Variants in TRIOBP observed in about 807,000 individuals in gnomAD.
TRIOBP encodes the protein TRIO and F-actin-binding protein.
Under a neutral mutation model 238.8 loss-of-function variants are expected in TRIOBP, and 169 were observed. The ratio of observed to expected loss-of-function variants is 0.71; its 90% CI spans 0.62 to 0.80. The LOEUF (loss-of-function observed/expected upper bound fraction) is 0.80. Among genes scored for constraint, TRIOBP ranks in the 30% least tolerant of loss-of-function variants. TRIOBP has a pLI of 0.00. For missense variants in TRIOBP, 2,838 were observed against 3,122.6 expected, an observed-to-expected ratio of 0.91 and a Z score of 2.17; for synonymous variants, 1,150 against 1,274.4, an observed-to-expected ratio of 0.90 and a Z score of 2.08.
chr22:37,746,999 TG>T (rs1925318453), intron 11 of TRIOBP, among the ~76,000 whole-genome samples: 2 of 152,210 alleles, frequency 1.3e-5, no homozygotes, highest in Admixed American at 6.5e-5. Flanking sequence ...CACGTCTTCC[TG>T]GGCTTGCACT....
chr22:37,727,363 T>C (rs1411559708), intron 7 of TRIOBP, among the ~76,000 whole-genome samples: 3 of 151,820 alleles, frequency 2.0e-5, no homozygotes, highest in Non-Finnish European at 4.4e-5. Context: ...AAAACAGTTA[T>C]GTCAATTTAA....
chr22:37,766,160 C>T (rs2145878776), intron 18 of TRIOBP, among the ~76,000 whole-genome samples: 1 of 152,184 alleles, frequency 6.6e-6, no homozygotes, highest in East Asian at 1.9e-4. Flanking sequence ...ATCCCCTGTC[C>T]TCATAGGAGT....
Position 37,776,498 on chromosome 22 carries a change from C to G in TRIOBP, c.*2718C>G, listed in dbSNP as rs1440032924. 6.6e-6 allele frequency: 1 copy of G among 152,126 alleles called. No individual in the cohort carries two copies. The highest frequency in any genetic ancestry group is 2.4e-5 in the African/African-American group (1 of 41,410). 9.4% of individuals were successfully genotyped at this position (152,126 alleles called of 1,614,324 possible). A position where few individuals can be genotyped will look rare whatever the true frequency, so the allele number is the denominator to read the frequency against. On this transcript the variant is annotated 3_prime_UTR_variant, in exon 24 of 24. Transcript: ENST00000644935. ...ATGAGTACCGTAATACTCACATCAGCAAATAAACAATACAGCTGTGTGTCA... is the reference window on the plus strand; with the variant it reads ...ATGAGTACCGTAATACTCACATCAGGAAATAAACAATACAGCTGTGTGTCA...
chr22:37,755,525 A>G, intron 14 of TRIOBP, 25 bp from the exon 15 acceptor site: 6 of 1,607,724 alleles, frequency 3.7e-6, no homozygotes, highest in Non-Finnish European at 3.4e-6. Context: ...CCATGTGGCA[A>G]CCTACCCATG....
rs536087914 is a variant in TRIOBP, at chr22:37,725,743, G to A, written c.3187G>A (p.Val1063Met). The change falls in exon 7 of 24, where the codon GTG (valine) becomes ATG (methionine). Residue 1063 changes from valine (V) to methionine (M), a missense_variant. By Grantham distance (21) the Val-to-Met change is conservative. This residue lies in a region of TRIOBP where 2,096 missense variants were observed against 2,137.4 expected (regional missense o/e 0.98). Coordinates refer to ENST00000644935, the MANE Select transcript of TRIOBP (RefSeq NM_001039141.3). The stretch of plus-strand genomic sequence containing the variant: ...CGAGCCTCCCTATATACCACCTGCT[G>A]TGTGCATTGGACACCGAGATGCCCC... ...HHEPPYIPPAVCIGHRDAPRA... is the reference protein window; with the variant it reads ...HHEPPYIPPAMCIGHRDAPRA... 4 of 1,612,048 alleles carry A rather than the reference G, an allele frequency of 2.5e-6. No individual in the cohort carries two copies. The highest frequency in any genetic ancestry group is 2.2e-5 in the South Asian group (2 of 90,970).
chr22:37,773,594 T>G (rs1475074432), intron 23 of TRIOBP, among the ~76,000 whole-genome samples, 189 bp from the exon 24 acceptor site: 1 of 152,136 alleles, frequency 6.6e-6, no homozygotes, highest in African/African-American at 2.4e-5. Flanking sequence ...CCTCATGGAC[T>G]TCCTATGGCA....
chr22:37,712,714 T>C (rs1225722651), intron 4 of TRIOBP, among the ~76,000 whole-genome samples: 1 of 151,704 alleles, frequency 6.6e-6, no homozygotes, highest in Admixed American at 6.6e-5. Flanking sequence ...CCCAGCACTT[T>C]GGGAGTCCGA....
At chr22:37,753,510 C>T (rs527389720) in intron 12 of TRIOBP, among the ~76,000 whole-genome samples, 97 of 152,280 alleles carry the variant, frequency 6.4e-4, no homozygotes, top group Non-Finnish European at 1.1e-3. Context: ...AACTCCTGAC[C>T]TCAGATGATC....
At chr22:37,769,497 C>A in intron 21 of TRIOBP, 122 bp downstream of exon 21, 1 of 963,586 alleles carries the variant, frequency 1.0e-6, no homozygotes, top group Non-Finnish European at 1.6e-6. Flanking sequence ...GTGGCTGGGC[C>A]AGCCTGACTA....
rs1569046143 is a variant in TRIOBP at position 37,734,502 on chromosome 22, TCCAGGGGTCC to T, written c.4169_4178del (p.Gln1390ArgfsTer51). Reference sequence around the variant, plus strand: ...AAGAGACCTGAGGGAGATCGGCAGCTCCAGGGGTCCCCGCTGCCCCCCAGGACATCAGCCA... The same window carrying T: ...AAGAGACCTGAGGGAGATCGGCAGCTCCGCTGCCCCCCAGGACATCAGCCA... On this transcript the variant is annotated frameshift_variant, in exon 9 of 24. Coordinates refer to ENST00000644935, the MANE Select transcript of TRIOBP (RefSeq NM_001039141.3). LOFTEE classifies it high-confidence loss of function. The T allele has an allele frequency of 2.5e-6, 4 of 1,609,450 alleles. No homozygotes were observed. Among genetic ancestry groups the T allele is most frequent in the Non-Finnish European group, 3.4e-6 (4 of 1,178,600 alleles).
chr22:37,744,169 C>T (rs1345124738), intron 11 of TRIOBP, among the ~76,000 whole-genome samples: 5 of 151,762 alleles, frequency 3.3e-5, no homozygotes, highest in African/African-American at 9.7e-5. Flanking sequence ...CCACCACGCC[C>T]GGCTAATTTT....
intron 3 of TRIOBP, among the ~76,000 whole-genome samples, chr22:37,708,859 C>T (rs1223366246): frequency 6.6e-6 from 1 of 152,118 alleles, no homozygotes; most frequent in Non-Finnish European, 1.5e-5. Flanking sequence ...GGGGACTGAC[C>T]GTGGGGCCCA....
At chr22:37,699,810 G>A (rs905386679) in intron 2 of TRIOBP, among the ~76,000 whole-genome samples, 3 of 151,916 alleles carry the variant, frequency 2.0e-5, no homozygotes, top group African/African-American at 7.3e-5. Context: ...CAAAGTGCTG[G>A]GATTATAGGC....
chr22:37,754,021 G>A (rs1472739052), intron 12 of TRIOBP, among the ~76,000 whole-genome samples: 1 of 152,188 alleles, frequency 6.6e-6, no homozygotes, highest in African/African-American at 2.4e-5. Flanking sequence ...GCAGAGACAG[G>A]CACTGCAGGA....
chr22:37,721,297 G>A (rs1187898846), intron 6 of TRIOBP, among the ~76,000 whole-genome samples: 1 of 152,160 alleles, frequency 6.6e-6, no homozygotes, highest in Non-Finnish European at 1.5e-5. Flanking sequence ...ACAGGCGTGA[G>A]CCACCGTGCC....
chr22:37,747,421 TTTC>T (rs1925341931), intron 11 of TRIOBP, among the ~76,000 whole-genome samples: 1 of 152,090 alleles, frequency 6.6e-6, no homozygotes, highest in African/African-American at 2.4e-5. Flanking sequence ...AGTAGGCCTC[TTTC>T]AGGGGAGTGG....
At chr22:37,712,905 C>T (rs1021768780) in intron 4 of TRIOBP, among the ~76,000 whole-genome samples, 5 of 150,494 alleles carry the variant, frequency 3.3e-5, no homozygotes, top group African/African-American at 9.8e-5. Flanking sequence ...TGCAGTGAGC[C>T]GAGATGGTGC....
intron 11 of TRIOBP, chr22:37,746,479 C>G (rs2145855698): frequency 7.5e-7 from 1 of 1,339,568 alleles, no homozygotes; most frequent in Non-Finnish European, 9.8e-7. Context: ...CGACCCGAGG[C>G]AGAGCCCAGC....
chr22:37,700,876 G>C (rs1217375855), intron 2 of TRIOBP, among the ~76,000 whole-genome samples: 1 of 152,100 alleles, frequency 6.6e-6, no homozygotes, highest in Non-Finnish European at 1.5e-5. Context: ...ATTTTTAGTA[G>C]AGACAGGGTT....
Sources: allele counts gnomAD v4.1 joint callset (sites outside exome capture counted in the v4.1 genomes callset), GRCh38; gene constraint gnomAD v4.1.1; regional missense constraint gnomAD v4.1.1; transcripts MANE v1.5; gene names NCBI Gene and HGNC (gene_info 2026-07-23, HGNC 2026-07-21).